Variants in CACNA2D3 observed in about 807,000 individuals in gnomAD.
CACNA2D3 encodes calcium voltage-gated channel auxiliary subunit alpha2delta 3.
CACNA2D3 carries 60 observed loss-of-function variants against 160.6 expected under a neutral mutation model. That is an observed-to-expected ratio of 0.37 (90% confidence interval 0.30 to 0.46). The LOEUF is 0.46. CACNA2D3 is among the 20% of genes least tolerant of loss of function. The probability of loss-of-function intolerance (pLI) is 1.00; values close to 1 mark genes in which losing one functional copy is unlikely to be tolerated. For synonymous variants in CACNA2D3, 558 were observed against 492.9 expected (o/e 1.13, Z -1.75); for missense variants, 1,205 against 1,365.0 (o/e 0.88, Z 1.85).
chr3:54,691,870 A>G (rs142648950), intron 11 of CACNA2D3, among the ~76,000 whole-genome samples: 111 of 147,392 alleles, frequency 7.5e-4, no homozygotes, highest in African/African-American at 2.4e-3. Flanking sequence ...GCCTTCACCA[A>G]TTGTTCTTTA....
intron 2 of CACNA2D3, among the ~76,000 whole-genome samples, chr3:54,304,811 C>T (rs560203844): frequency 1.3e-5 from 2 of 152,258 alleles, no homozygotes; most frequent in East Asian, 3.9e-4. Context: ...AAAGCTATGT[C>T]ACAAAGCAAA....
Position 55,050,554 on chromosome 3 carries a change from A to C in CACNA2D3, c.2988-22891A>C, listed in dbSNP as rs1298872659. Among the ~76,000 whole-genome samples, 18 of 145,424 alleles carry C rather than the reference A, an allele frequency of 1.2e-4. No individual in the cohort carries two copies. In the South Asian group the frequency reaches 3.0e-3, roughly 25 times the overall value. ...CCTTAACATTTTTTCCTTCATTTCAACTTTGGTGAATCTGACAATTATGTG... is the reference window on the plus strand; with the variant it reads ...CCTTAACATTTTTTCCTTCATTTCACCTTTGGTGAATCTGACAATTATGTG... On this transcript the variant is annotated intron_variant, in intron 35 of 37. Transcript: ENST00000474759.
intron 4 of CACNA2D3, among the ~76,000 whole-genome samples, chr3:54,474,191 A>G (rs1700787252): frequency 1.3e-5 from 2 of 152,218 alleles, no homozygotes; most frequent in South Asian, 2.1e-4. Context: ...AATGTAGCAC[A>G]TATACACCAT....
At position 55,007,152 on chromosome 3, in the gene CACNA2D3, T is replaced by A. The variant is rs151337060; in HGVS notation, c.2767-638T>A. ...GAGTAAACAATCCAACTGCTTTTTT[T>A]AATTAAAATATTCTGAAATAAAGAT... On this transcript the variant is annotated intron_variant, in intron 32 of 37. Transcript: ENST00000474759. 4.9e-4 allele frequency among the ~76,000 whole-genome samples: 74 copies of A among 152,342 alleles called. No homozygotes were observed. In the East Asian group the frequency reaches 0.013, roughly 27 times the overall value.
intron 2 of CACNA2D3, among the ~76,000 whole-genome samples, chr3:54,230,426 T>C (rs1419344240): frequency 6.6e-6 from 1 of 152,232 alleles, no homozygotes; most frequent in East Asian, 1.9e-4. Context: ...CATGTTTGAA[T>C]TGGTAAATTG....
At chr3:54,814,603 A>G (rs542419221) in intron 13 of CACNA2D3, among the ~76,000 whole-genome samples, 38 of 152,334 alleles carry the variant, frequency 2.5e-4, no homozygotes, top group Admixed American at 5.9e-4. Flanking sequence ...TGTAATTTAC[A>G]TTATTTAAAA....
At chr3:54,890,921 T>A (rs1387955397) in intron 24 of CACNA2D3, among the ~76,000 whole-genome samples, 1 of 152,198 alleles carries the variant, frequency 6.6e-6, no homozygotes, top group Non-Finnish European at 1.5e-5. Context: ...AATGGCAGAT[T>A]CCACAAATGA....
chr3:54,460,434 A>C (rs7431838), intron 4 of CACNA2D3, among the ~76,000 whole-genome samples: 9,598 of 152,030 alleles, frequency 0.063, 598 homozygotes, highest in African/African-American at 0.16. Flanking sequence ...ATTTGTTTGT[A>C]TCCTCATTTA....
At chr3:54,168,319 C>T (rs1700496476) in intron 2 of CACNA2D3, among the ~76,000 whole-genome samples, 1 of 152,126 alleles carries the variant, frequency 6.6e-6, no homozygotes, top group African/African-American at 2.4e-5. Flanking sequence ...TTCACATTTG[C>T]ATAAGGGTGA....
rs138539233 is a variant in CACNA2D3 at position 54,998,105 on chromosome 3, G to A, written c.2691-6658G>A. 4.6e-5 allele frequency among the ~76,000 whole-genome samples: 7 copies of A among 151,304 alleles called. No individual in the cohort carries two copies. In the East Asian group the frequency reaches 1.4e-3, roughly 30 times the overall value. ...CATCAGAGATAATGTCAACACTGCTGACAGAAAGTAATCAATTAATTCTTT... is the reference window on the plus strand; with the variant it reads ...CATCAGAGATAATGTCAACACTGCTAACAGAAAGTAATCAATTAATTCTTT... On this transcript the variant is annotated intron_variant, in intron 31 of 37. Transcript: ENST00000474759.
At chr3:54,641,980 A>G (rs1699531042) in intron 10 of CACNA2D3, 148 bp from the exon 11 acceptor site, 1 of 505,086 alleles carries the variant, frequency 2.0e-6, no homozygotes, top group East Asian at 3.4e-5. Flanking sequence ...CTGTGTGGAA[A>G]GACTTTTTGT....
At chr3:54,768,186 C>T (rs1455602081) in intron 13 of CACNA2D3, among the ~76,000 whole-genome samples, 1 of 152,138 alleles carries the variant, frequency 6.6e-6, no homozygotes, top group Non-Finnish European at 1.5e-5. Flanking sequence ...GGCACCTGAA[C>T]AGTGGGATAC....
intron 2 of CACNA2D3, among the ~76,000 whole-genome samples, chr3:54,310,638 T>A (rs1703718167): frequency 6.6e-6 from 1 of 152,198 alleles, no homozygotes; most frequent in African/African-American, 2.4e-5. Flanking sequence ...CATCGGGAGC[T>A]AGTTGGTCTG....
At chr3:54,186,684 C>T (rs546658010) in intron 2 of CACNA2D3, among the ~76,000 whole-genome samples, 1 of 151,996 alleles carries the variant, frequency 6.6e-6, no homozygotes, top group African/African-American at 2.4e-5. Flanking sequence ...TTAATGTGCT[C>T]TCTGCTGTGT....
intron 12 of CACNA2D3, among the ~76,000 whole-genome samples, chr3:54,754,093 C>CT (rs1262089227): frequency 6.6e-6 from 1 of 152,136 alleles, no homozygotes; most frequent in East Asian, 1.9e-4. Context: ...TAATCCTTAG[C>CT]TTTTTTATAT....
At chr3:54,446,657 A>G (rs535715130) in intron 4 of CACNA2D3, among the ~76,000 whole-genome samples, 24 of 152,202 alleles carry the variant, frequency 1.6e-4, no homozygotes, top group African/African-American at 5.3e-4. Flanking sequence ...GTATAGTGCT[A>G]ATGATGGGAT....
At chr3:54,368,675 A>G (rs1259586077) in intron 3 of CACNA2D3, among the ~76,000 whole-genome samples, 3 of 144,110 alleles carry the variant, frequency 2.1e-5, no homozygotes, top group Non-Finnish European at 4.6e-5. Context: ...CTCCAAGGTA[A>G]TATTTGGGGG....
Position 54,211,824 on chromosome 3 carries a change from T to C in CACNA2D3, c.204+88230T>C, listed in dbSNP as rs115111375. Among the ~76,000 whole-genome samples, 775 of 152,308 alleles carry C rather than the reference T, an allele frequency of 5.1e-3. 4 individuals are homozygous for C. Among genetic ancestry groups the C allele is most frequent in the African/African-American group, 0.017 (704 of 41,572 alleles). ...ATGTAAGAGTTATTTTATAAAAATA[T>C]ATTATAAAATGTAACTTATTTTACT... On this transcript the variant is annotated intron_variant, in intron 2 of 37. Coordinates refer to ENST00000474759, the MANE Select transcript of CACNA2D3 (RefSeq NM_018398.3).
At chr3:54,594,213 A>G (rs1187426584) in intron 9 of CACNA2D3, among the ~76,000 whole-genome samples, 2 of 152,196 alleles carry the variant, frequency 1.3e-5, no homozygotes, top group Non-Finnish European at 2.9e-5. Context: ...TAAATATTCT[A>G]GGCTTCGTGG....
Sources: allele counts gnomAD v4.1 joint callset (sites outside exome capture counted in the v4.1 genomes callset), GRCh38; gene constraint gnomAD v4.1.1; transcripts MANE v1.5; gene names NCBI Gene and HGNC (gene_info 2026-07-23, HGNC 2026-07-21).